Variants in MYO3A observed in about 807,000 individuals in gnomAD.
MYO3A encodes myosin IIIA, also known as myosin-IIIa.
A neutral mutation model predicts 192.7 loss-of-function variants in MYO3A; 180 were observed. The observed-to-expected ratio is 0.93, with a 90% confidence interval of 0.83 to 1.06. The LOEUF is 1.06. Among genes scored for constraint, MYO3A ranks in the 50% least tolerant of loss-of-function variants. The pLI, the probability that MYO3A is intolerant of heterozygous loss-of-function variation, is 0.00. For missense variants in MYO3A, 1,896 were observed against 1,905.0 expected (o/e 1.00, Z 0.09); for synonymous variants, 628 against 645.3 (o/e 0.97, Z 0.41).
intron 20 of MYO3A, among the ~76,000 whole-genome samples, chr10:26,134,680 T>A (rs912394478): frequency 6.6e-6 from 1 of 152,200 alleles, no homozygotes; most frequent in Non-Finnish European, 1.5e-5. Flanking sequence ...GCAAAAGTTT[T>A]TTTTTCACTG....
chr10:26,066,841 G>A, intron 10 of MYO3A, 134 bp from the exon 11 acceptor site: 2 of 658,218 alleles, frequency 3.0e-6, no homozygotes, highest in Non-Finnish European at 2.7e-6. Context: ...AATATATTAG[G>A]CTATTTTCTG....
intron 31 of MYO3A, among the ~76,000 whole-genome samples, chr10:26,180,713 C>CA (rs35539016): frequency 1.4e-3 from 185 of 133,382 alleles, no homozygotes; most frequent in Admixed American, 4.0e-3. Context: ...GAAATAATAG[C>CA]AAAAAAAAAA....
intron 4 of MYO3A, among the ~76,000 whole-genome samples, chr10:25,976,296 C>T (rs1838960609): frequency 6.6e-6 from 1 of 152,138 alleles, no homozygotes; most frequent in African/African-American, 2.4e-5. Context: ...ATATTGATAG[C>T]ACTTTTATAA....
intron 4 of MYO3A, among the ~76,000 whole-genome samples, chr10:25,983,818 C>T (rs1369717486): frequency 2.6e-5 from 4 of 152,140 alleles, no homozygotes; most frequent in Non-Finnish European, 5.9e-5. Context: ...ATCAGGTTAT[C>T]TAAAGTCAAG....
intron 14 of MYO3A, among the ~76,000 whole-genome samples, chr10:26,080,433 G>A (rs1232307591): frequency 6.6e-6 from 1 of 150,908 alleles, no homozygotes. Flanking sequence ...TTCACTTCTT[G>A]TATCATTTTT....
At chr10:25,985,237 C>CAA (rs1157598256) in intron 4 of MYO3A, among the ~76,000 whole-genome samples, 6,548 of 79,610 alleles carry the variant, frequency 0.082, 257 homozygotes, top group Non-Finnish European at 0.12. Flanking sequence ...GACTCTGTCT[C>CAA]AAAAAAAAAA....
intron 4 of MYO3A, among the ~76,000 whole-genome samples, chr10:25,993,563 T>A (rs1840201295): frequency 6.6e-6 from 1 of 152,190 alleles, no homozygotes; most frequent in African/African-American, 2.4e-5. Context: ...AGCTTTTGAA[T>A]GTGTTTGCTC....
chr10:26,145,476 ACTT>A lies in MYO3A; in HGVS notation c.2450_2452del (p.Phe817del), dbSNP rs1410245317. 6.2e-7 allele frequency: 1 copy of A among 1,609,520 alleles called. No homozygotes were observed. Among genetic ancestry groups the A allele is most frequent in the African/African-American group, 1.3e-5 (1 of 74,824 alleles). On this transcript the variant is annotated inframe_deletion, in exon 22 of 35. Coordinates refer to ENST00000642920, the MANE Select transcript of MYO3A (RefSeq NM_017433.5). ...TTTGAAGGTAACCTGAAATCACAAT[ACTT>A]CTGGAGACCCAAAAGAATGGAACTT...
rs1554816581 is a variant in MYO3A at position 26,062,530 on chromosome 10, A to AAAAAAAAAAAAAAAAAG, written c.954-4442_954-4441insAAAAAAAAAAAAAGAAA. Among the ~76,000 whole-genome samples the AAAAAAAAAAAAAAAAAG allele has an allele frequency of 1.5e-3, 192 of 125,870 alleles. 21 individuals carry two copies. The highest frequency in any genetic ancestry group is 2.2e-3 in the Non-Finnish European group (129 of 58,410). The allele number at this position is 125,870 out of a possible 152,430, so 82.6% of individuals were successfully genotyped here. The stretch of plus-strand genomic sequence containing the variant: ...GATGCCATCTCAAAAAAAAAAAAAA[A>AAAAAAAAAAAAAAAAAG]AAATTATGGAGGAATCTAATTAAGA... On this transcript the variant is annotated intron_variant, in intron 10 of 34. Transcript: ENST00000642920.
chr10:26,112,765 C>T lies in MYO3A; in HGVS notation c.1777-7911C>T, dbSNP rs148074855. On this transcript the variant is annotated intron_variant, in intron 17 of 34. Coordinates refer to ENST00000642920, the MANE Select transcript of MYO3A (RefSeq NM_017433.5). Reference sequence around the variant, plus strand: ...CAGGCAAATCAAATTCAGATATTCTCTAAAAATAACACCAATTAGAAATCT... The same window carrying T: ...CAGGCAAATCAAATTCAGATATTCTTTAAAAATAACACCAATTAGAAATCT... Among the ~76,000 whole-genome samples, 36 of 152,298 alleles carry T rather than the reference C, an allele frequency of 2.4e-4. No individual in the cohort carries two copies. The East Asian group carries it at 6.2e-3, about 26-fold the overall frequency.
At chr10:25,977,396 A>G (rs1019463597) in intron 4 of MYO3A, among the ~76,000 whole-genome samples, 5 of 152,206 alleles carry the variant, frequency 3.3e-5, no homozygotes, top group Non-Finnish European at 7.3e-5. Flanking sequence ...GTTGGGCAGC[A>G]TTCAAGGGGA....
chr10:25,965,795 C>G (rs1838218912), intron 4 of MYO3A, among the ~76,000 whole-genome samples: 1 of 152,078 alleles, frequency 6.6e-6, no homozygotes, highest in Non-Finnish European at 1.5e-5. Flanking sequence ...GTCAGTTGAG[C>G]TTGCCCTACT....
rs1837722391 is a variant in MYO3A at position 25,958,681 on chromosome 10, G to A, written c.303+3673G>A. 2.6e-5 allele frequency among the ~76,000 whole-genome samples: 4 copies of A among 152,228 alleles called. No individual in the cohort carries two copies. In the South Asian group the frequency reaches 8.3e-4, roughly 32 times the overall value. ...CATTGAATCTATAAATTGCTTTGGG[G>A]AAGTATGGCCATTTAAATGACATTG... On this transcript the variant is annotated intron_variant, in intron 4 of 34. Transcript: ENST00000642920.
chr10:26,088,058 C>A (rs1836451490), intron 14 of MYO3A, 145 bp from the exon 15 acceptor site: 3 of 659,094 alleles, frequency 4.6e-6, no homozygotes, highest in African/African-American at 1.8e-5. Context: ...GGAAAATAGA[C>A]CAGGATGTAA....
At chr10:26,065,605 A>AAAAAAAAAAAAAAAAAAAAACAT in intron 10 of MYO3A, among the ~76,000 whole-genome samples, 1 of 118,726 alleles carries the variant, frequency 8.4e-6, no homozygotes, top group Non-Finnish European at 1.8e-5. Flanking sequence ...AAAAAAAAAA[A>AAAAAAAAAAAAAAAAAAAAACAT]AAAAAAAAGT....
intron 14 of MYO3A, among the ~76,000 whole-genome samples, chr10:26,071,347 A>C (rs1564519331): frequency 1.3e-5 from 2 of 152,214 alleles, no homozygotes; most frequent in Non-Finnish European, 2.9e-5. Flanking sequence ...AAAAAAAAGA[A>C]CATTAATCTA....
At chr10:26,174,610 A>T in intron 30 of MYO3A, 53 bp downstream of exon 30, 1 of 1,440,004 alleles carries the variant, frequency 6.9e-7, no homozygotes, top group East Asian at 2.3e-5. Context: ...GAACTATACA[A>T]TAACTGAATT....
intron 17 of MYO3A, among the ~76,000 whole-genome samples, chr10:26,104,426 G>A (rs1426682078): frequency 1.3e-5 from 2 of 152,064 alleles, no homozygotes; most frequent in Admixed American, 6.6e-5. Context: ...CAGTGTACCA[G>A]CACCATTGTT....
At chr10:26,115,641 C>T (rs1213416286) in intron 17 of MYO3A, among the ~76,000 whole-genome samples, 2 of 151,956 alleles carry the variant, frequency 1.3e-5, no homozygotes, top group African/African-American at 2.4e-5. Context: ...TTTACATTGC[C>T]CTAAACAAAC....
Sources: gnomAD v4.1 joint callset for allele counts (sites outside exome capture counted in the v4.1 genomes callset) on GRCh38, gnomAD v4.1.1 for gene constraint, MANE v1.5 for transcripts, NCBI Gene and HGNC (gene_info 2026-07-23, HGNC 2026-07-21) for gene names.